The following BMPER variants were observed in gnomAD, a reference collection of about 807,000 sequenced individuals.
BMPER encodes the protein BMP-binding endothelial regulator protein.
In BMPER, 45 loss-of-function variants were observed where a neutral mutation model predicts 87.3. That is an observed-to-expected ratio of 0.52 (90% CI 0.41 to 0.66). The LOEUF is 0.66. Among genes scored for constraint, BMPER ranks in the 30% least tolerant of loss-of-function variants. The pLI, the probability that BMPER is intolerant of heterozygous loss-of-function variation, is 0.00. For missense variants in BMPER, 784 were observed against 867.5 expected (o/e 0.90, Z 1.21); for synonymous variants, 326 against 316.2 (o/e 1.03, Z -0.33).
intron 12 of BMPER, among the ~76,000 whole-genome samples, chr7:34,081,560 T>C (rs76655440): frequency 6.6e-6 from 1 of 152,370 alleles, no homozygotes; most frequent in East Asian, 1.9e-4. Context: ...TAAGGCTTAG[T>C]AGCTCGAGAG....
At chr7:33,956,798 C>A (rs1440182020) in intron 3 of BMPER, among the ~76,000 whole-genome samples, 1 of 152,144 alleles carries the variant, frequency 6.6e-6, no homozygotes, top group Admixed American at 6.6e-5. Context: ...ACATAACATA[C>A]AAAATATGTG....
At chr7:34,118,359 A>G (rs977244006) in intron 13 of BMPER, among the ~76,000 whole-genome samples, 3 of 152,314 alleles carry the variant, frequency 2.0e-5, no homozygotes, top group Non-Finnish European at 2.9e-5. Context: ...GTAATTTAAA[A>G]GAAAGTAGCT....
At chr7:33,961,750 G>T (rs1277251279) in intron 3 of BMPER, among the ~76,000 whole-genome samples, 1 of 152,142 alleles carries the variant, frequency 6.6e-6, no homozygotes, top group Non-Finnish European at 1.5e-5. Context: ...TGGAGGGATG[G>T]TGGGGTCAGA....
intron 11 of BMPER, among the ~76,000 whole-genome samples, chr7:34,062,400 C>G (rs576303026): frequency 6.6e-6 from 1 of 152,286 alleles, no homozygotes; most frequent in South Asian, 2.1e-4. Flanking sequence ...AAACATTATA[C>G]AAAGTCTAGG....
chr7:33,919,119 C>A (rs956635137), intron 2 of BMPER, among the ~76,000 whole-genome samples: 3 of 151,728 alleles, frequency 2.0e-5, no homozygotes, highest in African/African-American at 7.3e-5. Flanking sequence ...ATATACTGAC[C>A]AAGGGCAAAA....
chr7:33,905,801 G>C, intron 1 of BMPER, 55 bp downstream of exon 1: 1 of 974,964 alleles, frequency 1.0e-6, no homozygotes, highest in East Asian at 4.8e-5. Context: ...TGGTACCTGG[G>C]AAAGGTGGCG....
At chr7:34,148,537 T>G (rs919422750) in intron 14 of BMPER, among the ~76,000 whole-genome samples, 9 of 152,176 alleles carry the variant, frequency 5.9e-5, no homozygotes, top group African/African-American at 2.2e-4. Flanking sequence ...CAGCAGATGT[T>G]TATTGATTTA....
chr7:34,066,679 G>A (rs1404030884), intron 11 of BMPER, among the ~76,000 whole-genome samples: 1 of 152,094 alleles, frequency 6.6e-6, no homozygotes, highest in Non-Finnish European at 1.5e-5. Context: ...AATAGCAGGT[G>A]GAATCTTGAC....
At chr7:34,139,156 A>G (rs181270023) in intron 13 of BMPER, among the ~76,000 whole-genome samples, 34 of 152,332 alleles carry the variant, frequency 2.2e-4, no homozygotes, top group Admixed American at 2.1e-3. Context: ...TTTTCTCTTA[A>G]TAAATTCCTT....
At chr7:34,060,809 G>A (rs540305750) in intron 10 of BMPER, among the ~76,000 whole-genome samples, 3 of 152,298 alleles carry the variant, frequency 2.0e-5, no homozygotes, top group African/African-American at 7.2e-5. Context: ...ACAACTGCAT[G>A]TGGAGGGTTA....
intron 6 of BMPER, among the ~76,000 whole-genome samples, chr7:34,006,073 A>G (rs1050378132): frequency 2.0e-5 from 3 of 152,004 alleles, no homozygotes; most frequent in Non-Finnish European, 4.4e-5. Context: ...ACAACTCTAG[A>G]TATTATAATA....
intron 13 of BMPER, among the ~76,000 whole-genome samples, chr7:34,137,190 T>C (rs1381356847): frequency 6.6e-6 from 1 of 152,158 alleles, no homozygotes. Flanking sequence ...CCACCAGTCA[T>C]TAAATTAAAA....
At chr7:33,989,637 A>C (rs112499566) in intron 6 of BMPER, among the ~76,000 whole-genome samples, 4,718 of 152,098 alleles carry the variant, frequency 0.031, 99 homozygotes, top group Non-Finnish European at 0.047. Context: ...CCATTTGTCA[A>C]TTTTGCCTTT....
chr7:34,098,864 C>A (rs1334436220), intron 13 of BMPER, among the ~76,000 whole-genome samples: 1 of 152,174 alleles, frequency 6.6e-6, no homozygotes, highest in Non-Finnish European at 1.5e-5. Context: ...GACTGCAGGA[C>A]AGCTGAGTTT....
intron 13 of BMPER, among the ~76,000 whole-genome samples, chr7:34,086,503 A>G (rs1789214672): frequency 6.6e-6 from 1 of 152,218 alleles, no homozygotes; most frequent in Non-Finnish European, 1.5e-5. Context: ...GGGTGTTTGA[A>G]TGAGTCTGGT....
chr7:33,986,884 T>G (rs1317574366), intron 6 of BMPER, among the ~76,000 whole-genome samples: 1 of 152,172 alleles, frequency 6.6e-6, no homozygotes, highest in East Asian at 1.9e-4. Flanking sequence ...AAAAAACCAG[T>G]TTGGTACCTC....
At chr7:33,981,513 A>G (rs965219663) in intron 6 of BMPER, among the ~76,000 whole-genome samples, 1 of 152,174 alleles carries the variant, frequency 6.6e-6, no homozygotes, top group Non-Finnish European at 1.5e-5. Flanking sequence ...CGCTCCAAAC[A>G]TCTAAAATGA....
chr7:34,001,922 T>C (rs975886723), intron 6 of BMPER, among the ~76,000 whole-genome samples: 3 of 151,770 alleles, frequency 2.0e-5, no homozygotes, highest in East Asian at 3.8e-4. Flanking sequence ...TTTTTTTACT[T>C]ACTGGTTTTG....
At chr7:33,915,989 A>G (rs1784079522) in intron 2 of BMPER, among the ~76,000 whole-genome samples, 1 of 152,198 alleles carries the variant, frequency 6.6e-6, no homozygotes, top group Admixed American at 6.5e-5. Context: ...AATTCTCAAA[A>G]CATGGTCTGG....
Sources: gnomAD v4.1 joint callset for allele counts (sites outside exome capture counted in the v4.1 genomes callset) on GRCh38, gnomAD v4.1.1 for gene constraint, MANE v1.5 for transcripts, NCBI Gene and HGNC (gene_info 2026-07-23, HGNC 2026-07-21) for gene names.